Variants in ADAM18 observed in about 807,000 individuals in gnomAD.
The protein encoded by ADAM18 is disintegrin and metalloproteinase domain-containing protein 18.
ADAM18 carries 117 observed loss-of-function variants against 94.4 expected under a neutral mutation model. The observed-to-expected ratio is 1.24, with a 90% CI of 1.07 to 1.45. ADAM18 has a LOEUF of 1.45. Among genes scored for constraint, ADAM18 ranks in the 40% most tolerant of loss-of-function variants. ADAM18 has a pLI of 0.00. For synonymous variants in ADAM18, 327 were observed against 291.6 expected, an observed-to-expected ratio of 1.12 and a Z score of -1.24; for missense variants, 936 against 880.0, an observed-to-expected ratio of 1.06 and a Z score of -0.81.
At chr8:39,636,608 T>A (rs1378853778) in intron 7 of ADAM18, among the ~76,000 whole-genome samples, 1 of 152,154 alleles carries the variant, frequency 6.6e-6, no homozygotes, top group Non-Finnish European at 1.5e-5. Flanking sequence ...AATGTTTTTA[T>A]ATACATAGTG....
At chr8:39,683,226 G>A (rs926263979) in intron 16 of ADAM18, among the ~76,000 whole-genome samples, 5 of 152,202 alleles carry the variant, frequency 3.3e-5, no homozygotes, top group Non-Finnish European at 7.4e-5. Flanking sequence ...GAGGAAATGA[G>A]CATGTTAATA....
At chr8:39,690,095 A>G (rs991732511) in intron 16 of ADAM18, among the ~76,000 whole-genome samples, 3 of 152,210 alleles carry the variant, frequency 2.0e-5, no homozygotes, top group African/African-American at 4.8e-5. Context: ...TTATCAGCTT[A>G]GGAAGCTTTT....
rs115670168 is a variant in ADAM18, at chr8:39,663,748, T to C, written c.1231-47T>C. ...GAAATTGAGATTAAGAAACAAGAGCTTTTAAGTGGTTAAACTGTAATAATA... is the reference window on the plus strand; with the variant it reads ...GAAATTGAGATTAAGAAACAAGAGCCTTTAAGTGGTTAAACTGTAATAATA... On this transcript the variant is annotated intron_variant, in intron 12 of 19. Transcript: ENST00000265707. 1.8e-3 allele frequency: 2,243 copies of C among 1,275,916 alleles called. 38 individuals carry two copies. In the African/African-American group the frequency reaches 0.03, roughly 17 times the overall value. The allele number at this position is 1,275,916 out of a possible 1,614,324, so 79.0% of individuals were successfully genotyped here. A position where few individuals can be genotyped will look rare whatever the true frequency, so the allele number is the denominator to read the frequency against.
chr8:39,637,420 A>G, intron 8 of ADAM18, 85 bp downstream of exon 8: 1 of 1,430,706 alleles, frequency 7.0e-7, no homozygotes, highest in Non-Finnish European at 9.5e-7. Flanking sequence ...TGAATAACTT[A>G]AATACTTTTT....
chr8:39,705,415 G>C (rs1822214173), intron 17 of ADAM18, among the ~76,000 whole-genome samples: 1 of 152,022 alleles, frequency 6.6e-6, no homozygotes, highest in Admixed American at 6.6e-5. Context: ...ATTCAGAAGA[G>C]GATTACAGTT....
chr8:39,679,861 C>A (rs1283316882), intron 15 of ADAM18, among the ~76,000 whole-genome samples, 176 bp from the exon 16 acceptor site: 2 of 152,130 alleles, frequency 1.3e-5, no homozygotes, highest in African/African-American at 2.4e-5. Context: ...CATTTCAATT[C>A]TGCTATTAAG....
intron 3 of ADAM18, among the ~76,000 whole-genome samples, chr8:39,606,657 A>C (rs1421343589): frequency 1.3e-5 from 2 of 152,200 alleles, no homozygotes; most frequent in Non-Finnish European, 2.9e-5. Context: ...TATTAAGTAT[A>C]TCTGGTGTGA....
chr8:39,650,389 T>A (rs1820498821), intron 12 of ADAM18, among the ~76,000 whole-genome samples: 1 of 152,172 alleles, frequency 6.6e-6, no homozygotes, highest in Non-Finnish European at 1.5e-5. Flanking sequence ...ATCATATATA[T>A]AGAAAACCCT....
At chr8:39,629,272 A>G in intron 6 of ADAM18, 102 bp from the exon 7 acceptor site, 1 of 815,540 alleles carries the variant, frequency 1.2e-6, no homozygotes, top group Non-Finnish European at 1.9e-6. Context: ...AGTCCTCATG[A>G]AAATCTTATA....
intron 16 of ADAM18, among the ~76,000 whole-genome samples, chr8:39,683,531 T>C (rs1821526320): frequency 6.6e-6 from 1 of 152,250 alleles, no homozygotes; most frequent in Admixed American, 6.5e-5. Context: ...CATTTTTCAT[T>C]TCCACCAGCA....
intron 13 of ADAM18, among the ~76,000 whole-genome samples, chr8:39,667,587 C>T (rs1181067751): frequency 6.6e-6 from 1 of 151,998 alleles, no homozygotes; most frequent in Non-Finnish European, 1.5e-5. Context: ...TGTTTCTCAC[C>T]CATACAAATA....
intron 6 of ADAM18, among the ~76,000 whole-genome samples, chr8:39,624,557 T>C (rs983202676): frequency 6.6e-6 from 1 of 152,168 alleles, no homozygotes; most frequent in African/African-American, 2.4e-5. Flanking sequence ...AAGTTTGTAG[T>C]GTGGTTTGAA....
At chr8:39,715,453 A>G (rs532569083) in intron 18 of ADAM18, among the ~76,000 whole-genome samples, 1 of 148,784 alleles carries the variant, frequency 6.7e-6, no homozygotes, top group South Asian at 2.1e-4. Context: ...AGAAAACAGT[A>G]CAGTAAAAAT....
chr8:39,585,845 T>C (rs920190458), intron 2 of ADAM18, among the ~76,000 whole-genome samples: 5 of 152,256 alleles, frequency 3.3e-5, no homozygotes, highest in Middle Eastern at 3.4e-3. Context: ...TTACAATAAG[T>C]AAATATTAAC....
intron 19 of ADAM18, among the ~76,000 whole-genome samples, chr8:39,726,525 G>A (rs1052524814): frequency 4.0e-5 from 6 of 151,884 alleles, no homozygotes; most frequent in Admixed American, 3.3e-4. Context: ...TTCATTGATT[G>A]TTTCTTTTGC....
In ADAM18 at chr8:39,609,572, C is replaced by T. The variant is rs1210094181; in HGVS notation, c.344+11C>T. 21 of 1,581,172 alleles carry T rather than the reference C, an allele frequency of 1.3e-5. No individual in the cohort carries two copies. The highest frequency in any genetic ancestry group is 1.7e-5 in the Non-Finnish European group (20 of 1,155,738). On this transcript the variant is annotated intron_variant, in intron 5 of 19. Transcript: ENST00000265707. Reference sequence around the variant, plus strand: ...ATGTTCTGGTCTCAGGTAATAGCACCTTATAAGAAATCTATAGATGGAGAA... The same window carrying T: ...ATGTTCTGGTCTCAGGTAATAGCACTTTATAAGAAATCTATAGATGGAGAA...
In ADAM18 at chr8:39,606,337, C is replaced by A; in HGVS notation, c.163C>A (p.Pro55Thr). The A allele has an allele frequency of 6.4e-7, 1 of 1,562,048 alleles. No homozygotes were observed. Among genetic ancestry groups the A allele is most frequent in the South Asian group, 1.2e-5 (1 of 84,012 alleles). The stretch of plus-strand genomic sequence containing the variant: ...TTACATCATTACAATTGATGGACAA[C>A]CTTACACTCTACATCTCGGAAAACA... ...MIYIITIDGQ[P>T]YTLHLGKQSF... The change falls in exon 3 of 20, where the codon CCT (proline) becomes ACT (threonine). Residue 55 changes from proline (P) to threonine (T), a missense_variant. Transcript: ENST00000265707.
chr8:39,668,287 A>C, intron 14 of ADAM18, 91 bp downstream of exon 14: 5 of 1,200,164 alleles, frequency 4.2e-6, no homozygotes, highest in Non-Finnish European at 5.9e-6. Context: ...AAGTGGAAGA[A>C]ACTGAACCAC....
At chr8:39,729,035 C>T (rs1258700465) in intron 19 of ADAM18, among the ~76,000 whole-genome samples, 1 of 152,004 alleles carries the variant, frequency 6.6e-6, no homozygotes, top group African/African-American at 2.4e-5. Flanking sequence ...TTATTTTCTG[C>T]TTTTTTTAAA....
Sources: gnomAD v4.1 joint callset for allele counts (sites outside exome capture counted in the v4.1 genomes callset) on GRCh38, gnomAD v4.1.1 for gene constraint, MANE v1.5 for transcripts, NCBI Gene and HGNC (gene_info 2026-07-23, HGNC 2026-07-21) for gene names.